Variants in ERMP1 observed in about 807,000 individuals in gnomAD.
ERMP1 encodes Felix-ina.
Under a neutral mutation model 92.0 loss-of-function variants are expected in ERMP1, and 86 were observed. The ratio of observed to expected loss-of-function variants is 0.93; its 90% CI spans 0.79 to 1.12. The LOEUF is 1.12. Ranked by LOEUF, ERMP1 falls within the 50% of genes most tolerant of loss-of-function variation. ERMP1 has a pLI of 0.00. For missense variants in ERMP1, 1,342 were observed against 1,116.3 expected (o/e 1.20, Z -2.88); for synonymous variants, 530 against 412.8 (o/e 1.28, Z -3.44).
At chr9:5,789,791 C>G (rs1337311600) in intron 13 of ERMP1, among the ~76,000 whole-genome samples, 1 of 151,890 alleles carries the variant, frequency 6.6e-6, no homozygotes, top group East Asian at 1.9e-4. Context: ...TTGAGCAATC[C>G]TATTGCCTCA....
Position 5,833,055 on chromosome 9 carries a change from C to T in ERMP1, c.-28G>A. ...CCACGAGCCTCAGCTGCCAGCCCAACCGCCCCAACCCGCGACAGCCCCGGC... is the reference window on the plus strand; with the variant it reads ...CCACGAGCCTCAGCTGCCAGCCCAATCGCCCCAACCCGCGACAGCCCCGGC... On this transcript the variant is annotated 5_prime_UTR_variant, in exon 1 of 15. Transcript: ENST00000339450. 7.0e-7 allele frequency: 1 copy of T among 1,428,928 alleles called. No homozygotes were observed. The highest frequency in any genetic ancestry group is 9.1e-7 in the Non-Finnish European group (1 of 1,101,532). The allele number at this position is 1,428,928 out of a possible 1,614,324, so 88.5% of individuals were successfully genotyped here. A position where few individuals can be genotyped will look rare whatever the true frequency, so the allele number is the denominator to read the frequency against.
upstream of ERMP1, among the ~76,000 whole-genome samples, chr9:5,833,932 G>A (rs1302389149): frequency 6.6e-6 from 1 of 152,140 alleles, no homozygotes; most frequent in Non-Finnish European, 1.5e-5. Flanking sequence ...CCAGCTTGCC[G>A]GTACCCATGA....
upstream of ERMP1, among the ~76,000 whole-genome samples, chr9:5,834,711 G>A (rs1344688863): frequency 8.3e-5 from 12 of 145,292 alleles, no homozygotes; most frequent in African/African-American, 2.9e-4. Context: ...ATATGTGTGT[G>A]TGTGTGTGTG....
chr9:5,832,581 G>C lies in ERMP1; in HGVS notation c.338+109C>G, dbSNP rs180959250. On this transcript the variant is annotated intron_variant, in intron 1 of 14. Coordinates refer to ENST00000339450, the MANE Select transcript of ERMP1 (RefSeq NM_024896.3). Reference sequence around the variant, plus strand: ...CACGTGCAGCCTGGGAGGGGTCAGCGAGTCCCAGCGGTCCGGCAGGGGCGG... The same window carrying C: ...CACGTGCAGCCTGGGAGGGGTCAGCCAGTCCCAGCGGTCCGGCAGGGGCGG... 2,389 of 872,074 alleles carry C rather than the reference G, an allele frequency of 2.7e-3. 7 individuals carry two copies. Among genetic ancestry groups the C allele is most frequent in the Non-Finnish European group, 3.6e-3 (2,262 of 623,074 alleles). 54.0% of individuals were successfully genotyped at this position (872,074 alleles called of 1,614,324 possible).
chr9:5,819,363 T>C (rs941928723), intron 4 of ERMP1, among the ~76,000 whole-genome samples: 3 of 152,182 alleles, frequency 2.0e-5, no homozygotes, highest in Non-Finnish European at 4.4e-5. Context: ...AAGGGAGGGT[T>C]CTCATGCACA....
chr9:5,841,994 G>T (rs908017526), intron 6 of ERMP1, among the ~76,000 whole-genome samples: 11 of 152,154 alleles, frequency 7.2e-5, no homozygotes, highest in Non-Finnish European at 1.5e-4. Context: ...TGGGTTCATG[G>T]TCTTGCTGAC....
rs1335910058 is a variant in ERMP1 at position 5,833,061 on chromosome 9, C to CAACCCGCGACAGCCCCG, written c.-51_-35dup. The CAACCCGCGACAGCCCCG allele has an allele frequency of 7.0e-7, 1 of 1,421,390 alleles. No homozygotes were observed. The highest frequency in any genetic ancestry group is 9.1e-7 in the Non-Finnish European group (1 of 1,097,318). 88.0% of individuals were successfully genotyped at this position (1,421,390 alleles called of 1,614,324 possible). On this transcript the variant is annotated 5_prime_UTR_variant, in exon 1 of 15. Coordinates refer to ENST00000339450, the MANE Select transcript of ERMP1 (RefSeq NM_024896.3). ...GCCTCAGCTGCCAGCCCAACCGCCC[C>CAACCCGCGACAGCCCCG]AACCCGCGACAGCCCCGGCCGCCGC...
chr9:5,824,894 T>C (rs34046480), intron 3 of ERMP1, among the ~76,000 whole-genome samples, 198 bp downstream of exon 3: 2,924 of 152,304 alleles, frequency 0.019, 34 homozygotes, highest in Non-Finnish European at 0.025. Context: ...TAAGTGGAGT[T>C]TTCCAAATAT....
intron 2 of ERMP1, among the ~76,000 whole-genome samples, chr9:5,827,780 G>A (rs1215573285): frequency 6.6e-6 from 1 of 151,906 alleles, no homozygotes; most frequent in South Asian, 2.1e-4. Flanking sequence ...TAGCGCCACT[G>A]CAGTCTGGCG....
chr9:5,821,186 A>T (rs1829522177), intron 4 of ERMP1, among the ~76,000 whole-genome samples: 2 of 152,246 alleles, frequency 1.3e-5, no homozygotes, highest in Admixed American at 1.3e-4. Flanking sequence ...TATTAAAGTG[A>T]TCATATACAT....
rs550466964 is a variant in ERMP1 at position 5,793,790 on chromosome 9, T to C, written c.2386+4027A>G. On this transcript the variant is annotated intron_variant, in intron 13 of 14. Transcript: ENST00000339450. ...TGTAGCTAACAATAAAGTGTCAAAA[T>C]AGTTGGCAAACTCATACAACTAAAG... Among the ~76,000 whole-genome samples, 26 of 152,196 alleles carry C rather than the reference T, an allele frequency of 1.7e-4. No individual in the cohort carries two copies. The East Asian group carries it at 4.8e-3, about 28-fold the overall frequency.
In ERMP1 at chr9:5,801,298, T is replaced by G. The variant is rs769231638; in HGVS notation, c.1945A>C (p.Lys649Gln). The G allele has an allele frequency of 6.8e-6, 11 of 1,613,302 alleles. No homozygotes were observed. The highest frequency in any genetic ancestry group is 9.3e-6 in the Non-Finnish European group (11 of 1,179,668). Reference sequence around the variant, plus strand: ...AAAGTTAAAGTTAGCATGGTTTTTTTTGTGCTCTTGGCAAGGTAGATGAAG... The same window carrying G: ...AAAGTTAAAGTTAGCATGGTTTTTTGTGTGCTCTTGGCAAGGTAGATGAAG... ...INFIYLAKST[K>Q]KTMLTLTLVC... Residue 649 changes from lysine to glutamine, a missense_variant, in exon 11 of 15, where the codon AAA (lysine) becomes CAA (glutamine). Lys to Gln is a moderately conservative substitution (Grantham distance 53). Transcript: ENST00000339450.
chr9:5,865,624 G>A (rs1290843413), intron 5 of ERMP1, among the ~76,000 whole-genome samples: 1 of 151,726 alleles, frequency 6.6e-6, no homozygotes, highest in East Asian at 1.9e-4. Context: ...CCTGAGGTCA[G>A]GAGTTTGAGA....
At chr9:5,823,863 G>T in intron 4 of ERMP1, 33 bp downstream of exon 4, 1 of 1,404,624 alleles carries the variant, frequency 7.1e-7, no homozygotes, top group Non-Finnish European at 1.0e-6. Context: ...AACTAGAATT[G>T]CATTAAAATA....
chr9:5,799,109 G>C lies in ERMP1; in HGVS notation c.2068-101C>G, dbSNP rs896538604. 2.1e-5 allele frequency: 16 copies of C among 756,382 alleles called. No homozygotes were observed. In the Admixed American group the frequency reaches 2.4e-4, roughly 11 times the overall value. The allele number at this position is 756,382 out of a possible 1,614,324, so 46.9% of individuals were successfully genotyped here. On this transcript the variant is annotated intron_variant, in intron 11 of 14. Coordinates refer to ENST00000339450, the MANE Select transcript of ERMP1 (RefSeq NM_024896.3). ...GTATGACAATACCAAGAAATGATGT[G>C]GATATGGAGCAAGTGAATAAGACAC...
chr9:5,807,508 G>C (rs1828912655), intron 8 of ERMP1, among the ~76,000 whole-genome samples: 1 of 152,158 alleles, frequency 6.6e-6, no homozygotes, highest in African/African-American at 2.4e-5. Flanking sequence ...CACTTTGGGA[G>C]GCCGAGGTGG....
chr9:5,813,214 T>C (rs533588574), intron 4 of ERMP1, among the ~76,000 whole-genome samples, 179 bp from the exon 5 acceptor site: 1 of 152,298 alleles, frequency 6.6e-6, no homozygotes, highest in East Asian at 1.9e-4. Flanking sequence ...TGTTTGACTT[T>C]TAGAATAAAA....
At chr9:5,808,895 GC>G (rs1401974412) in intron 8 of ERMP1, among the ~76,000 whole-genome samples, 1 of 151,876 alleles carries the variant, frequency 6.6e-6, no homozygotes, top group Admixed American at 6.6e-5. Context: ...ACACCACCAT[GC>G]CTGGCTAATT....
chr9:5,861,717 GTTT>G (rs34804675), intron 5 of ERMP1, among the ~76,000 whole-genome samples: 4 of 66,228 alleles, frequency 6.0e-5, no homozygotes, highest in Non-Finnish European at 5.3e-5. Flanking sequence ...GAGAGGAAGG[GTTT>G]TTTTTTTTTT....
Sources: allele counts gnomAD v4.1 joint callset (sites outside exome capture counted in the v4.1 genomes callset), GRCh38; gene constraint gnomAD v4.1.1; transcripts MANE v1.5; gene names NCBI Gene and HGNC (gene_info 2026-07-23, HGNC 2026-07-21).